SIK2: variants seen among roughly 807,000 people sequenced by gnomAD.
SIK2 encodes serine/threonine-protein kinase SIK2.
In SIK2, 29 loss-of-function variants were observed where a neutral mutation model predicts 103.2. The observed-to-expected ratio is 0.28, with a 90% CI of 0.21 to 0.38. The LOEUF is 0.38. Ranked by LOEUF, SIK2 falls within the 10% of genes least tolerant of loss-of-function variation. SIK2 has a pLI of 1.00. For missense variants in SIK2, 879 were observed against 1,171.0 expected (o/e 0.75, Z 3.64); for synonymous variants, 412 against 446.1 (o/e 0.92, Z 0.96).
chr11:111,712,338 C>G lies in SIK2; in HGVS notation c.1229C>G (p.Ala410Gly). The change falls in exon 9 of 15, where the codon GCT becomes GGT. Residue 410 changes from alanine to glycine, a missense_variant. This residue lies in a region of SIK2 where 222 missense variants were observed against 258.0 expected (regional missense o/e 0.86). Transcript: ENST00000304987. ...CCAGCATCTGGCTGTCAGGCGGAAG[C>G]TGCATTCATGGAAGAAGAGTGTGTG... ...SFPASGCQAE[A>G]AFMEEECVDT... The G allele has an allele frequency of 6.2e-7, 1 of 1,614,186 alleles. No homozygotes were observed. The highest frequency in any genetic ancestry group is 1.3e-5 in the African/African-American group (1 of 75,056).
intron 3 of SIK2, among the ~76,000 whole-genome samples, chr11:111,644,691 C>T (rs760118394): frequency 4.6e-5 from 7 of 152,052 alleles, no homozygotes; most frequent in Non-Finnish European, 8.8e-5. Context: ...TTTGCTGCCA[C>T]GTTGTATGAG....
Position 111,705,788 on chromosome 11 carries a change from C to G in SIK2, c.1101+649C>G, listed in dbSNP as rs909745524. 6.6e-6 allele frequency among the ~76,000 whole-genome samples: 1 copy of G among 152,124 alleles called. No homozygotes were observed. The highest frequency in any genetic ancestry group is 1.5e-5 in the Non-Finnish European group (1 of 68,032). Reference sequence around the variant, plus strand: ...AAGCTGAAAAATGATAAAATTCTATCGATGCTTTAAGCTAATTAATCTGGT... The same window carrying G: ...AAGCTGAAAAATGATAAAATTCTATGGATGCTTTAAGCTAATTAATCTGGT... On this transcript the variant is annotated intron_variant, in intron 8 of 14. Transcript: ENST00000304987. This position sits in a 1 kb window ranked among gnomAD's most constrained non-coding sequence, Gnocchi z 4.3.
intron 3 of SIK2, 128 bp from the exon 4 acceptor site, chr11:111,687,873 G>A (rs1344665302): frequency 3.5e-6 from 3 of 858,746 alleles, no homozygotes; most frequent in Non-Finnish European, 5.3e-6. Flanking sequence ...CCAAAGTGCT[G>A]GGACTACAGG....
intron 3 of SIK2, among the ~76,000 whole-genome samples, chr11:111,673,581 C>T (rs1942657701): frequency 6.6e-6 from 1 of 152,184 alleles, no homozygotes; most frequent in Non-Finnish European, 1.5e-5. Context: ...CTTTCAGCCT[C>T]ACTGCTGAAT....
intron 10 of SIK2, among the ~76,000 whole-genome samples, chr11:111,720,214 A>T (rs1213775428): frequency 6.6e-6 from 1 of 152,194 alleles, no homozygotes; most frequent in Non-Finnish European, 1.5e-5. Flanking sequence ...CATAGTCCCC[A>T]GGATTCATCT....
rs927365400 is a variant in SIK2, at chr11:111,606,435, A to C, written c.135+3737A>C. On this transcript the variant is annotated intron_variant, in intron 1 of 14. Transcript: ENST00000304987. Reference sequence around the variant, plus strand: ...TTTAAATGCATTTTTTCCATAGATGAAAGCACATGGTACATATATATAAAT... The same window carrying C: ...TTTAAATGCATTTTTTCCATAGATGCAAGCACATGGTACATATATATAAAT... Among the ~76,000 whole-genome samples, 3 of 152,104 alleles carry C rather than the reference A, an allele frequency of 2.0e-5. No individual in the cohort carries two copies. In the South Asian group the frequency reaches 6.2e-4, roughly 31 times the overall value.
chr11:111,612,136 G>A (rs1466665114), intron 1 of SIK2, among the ~76,000 whole-genome samples: 3 of 152,162 alleles, frequency 2.0e-5, no homozygotes, highest in East Asian at 1.9e-4. Flanking sequence ...CTTTGAAATA[G>A]TGAAAAGATT....
At chr11:111,662,910 G>C (rs1355000518) in intron 3 of SIK2, among the ~76,000 whole-genome samples, 4 of 151,350 alleles carry the variant, frequency 2.6e-5, no homozygotes, top group Admixed American at 2.6e-4. Context: ...TTTTAAAATA[G>C]CAAGTGGTGA....
chr11:111,608,466 A>T (rs543325938), intron 1 of SIK2, among the ~76,000 whole-genome samples: 1 of 152,104 alleles, frequency 6.6e-6, no homozygotes, highest in African/African-American at 2.4e-5. Flanking sequence ...CCTTACTTCC[A>T]CTCTCCAGAC....
intron 4 of SIK2, among the ~76,000 whole-genome samples, chr11:111,690,693 T>C (rs572737242): frequency 6.6e-6 from 1 of 151,426 alleles, no homozygotes; most frequent in African/African-American, 2.4e-5. Context: ...CTCCCACTTA[T>C]GAGTGAGAAC....
chr11:111,716,999 C>T (rs944612608), intron 9 of SIK2, among the ~76,000 whole-genome samples: 2 of 152,078 alleles, frequency 1.3e-5, no homozygotes, highest in African/African-American at 2.4e-5. Flanking sequence ...AGACCTCATA[C>T]AGCCAACAAA....
intron 12 of SIK2, 36 bp from the exon 13 acceptor site, chr11:111,721,794 G>A: frequency 6.5e-7 from 1 of 1,539,534 alleles, no homozygotes; most frequent in South Asian, 1.2e-5. Context: ...TTCCCCATGG[G>A]GAATTGAAAA....
chr11:111,613,742 C>CT (rs1249143788), intron 1 of SIK2, among the ~76,000 whole-genome samples: 11 of 152,086 alleles, frequency 7.2e-5, no homozygotes, highest in Non-Finnish European at 1.5e-4. Context: ...ATGAAAAGAG[C>CT]TATCACAGAA....
chr11:111,648,127 TAAAA>T (rs1244494973), intron 3 of SIK2, among the ~76,000 whole-genome samples: 1 of 151,928 alleles, frequency 6.6e-6, no homozygotes, highest in African/African-American at 2.4e-5. Flanking sequence ...AAAGAAAAAA[TAAAA>T]ATAAGTAATT....
At chr11:111,661,264 A>T (rs1219982161) in intron 3 of SIK2, among the ~76,000 whole-genome samples, 1 of 152,212 alleles carries the variant, frequency 6.6e-6, no homozygotes, top group Admixed American at 6.5e-5. Flanking sequence ...GTCAATACCC[A>T]TACCAGCAGT....
At chr11:111,683,504 T>A (rs1172596270) in intron 3 of SIK2, 1 of 152,314 alleles carries the variant, frequency 6.6e-6, no homozygotes, top group African/African-American at 2.4e-5. Flanking sequence ...CAGGCTGGCA[T>A]GCAGTGGCGT....
Position 111,635,092 on chromosome 11 carries a change from A to G in SIK2, c.316+14690A>G, listed in dbSNP as rs147048347. Among the ~76,000 whole-genome samples, 244 of 152,298 alleles carry G rather than the reference A, an allele frequency of 1.6e-3. 2 individuals carry two copies. The highest frequency in any genetic ancestry group is 5.4e-3 in the African/African-American group (224 of 41,580). On this transcript the variant is annotated intron_variant, in intron 3 of 14. Transcript: ENST00000304987. ...TTTCTAGTTAACTTGTAGAGAGACT[A>G]GTAACCACATGAAAGAGCCAGCATG...
chr11:111,659,952 G>A (rs898517884), intron 3 of SIK2, among the ~76,000 whole-genome samples: 1 of 152,140 alleles, frequency 6.6e-6, no homozygotes, highest in Non-Finnish European at 1.5e-5. Context: ...TTAGTAAAAT[G>A]GCTACAGCAA....
chr11:111,628,144 A>G (rs1307692181), intron 3 of SIK2, among the ~76,000 whole-genome samples: 4 of 152,182 alleles, frequency 2.6e-5, no homozygotes, highest in Non-Finnish European at 5.9e-5. Flanking sequence ...TATTCCTCGC[A>G]TAGGTCTATT....
Sources: allele counts gnomAD v4.1 joint callset (sites outside exome capture counted in the v4.1 genomes callset), GRCh38; gene constraint gnomAD v4.1.1; regional missense constraint gnomAD v4.1.1; non-coding constraint Gnocchi (gnomAD v3.1); transcripts MANE v1.5; gene names NCBI Gene and HGNC (gene_info 2026-07-23, HGNC 2026-07-21).